The following AP2B1 variants were observed in gnomAD, a reference collection of about 807,000 sequenced individuals.
The protein encoded by AP2B1 is AP-2 complex subunit beta.
In AP2B1, 23 loss-of-function variants were observed where a neutral mutation model predicts 102.0. The observed-to-expected ratio is 0.23, with a 90% confidence interval of 0.16 to 0.32. The LOEUF is 0.32. Among genes scored for constraint, AP2B1 ranks in the 10% least tolerant of loss-of-function variants. The pLI is 1.00. For synonymous variants in AP2B1, 381 were observed against 421.2 expected, an observed-to-expected ratio of 0.90 and a Z score of 1.17; for missense variants, 541 against 1,157.4, an observed-to-expected ratio of 0.47 and a Z score of 7.73.
intron 1 of AP2B1, chr17:35,587,817 G>A (rs1237820872): frequency 6.6e-6 from 1 of 152,190 alleles, no homozygotes; most frequent in Admixed American, 6.5e-5. Context: ...GACGTGTCCA[G>A]CAAGCCAAAG....
At chr17:35,591,480 A>G (rs80275528) in intron 1 of AP2B1, among the ~76,000 whole-genome samples, 1 of 152,188 alleles carries the variant, frequency 6.6e-6, no homozygotes, top group Non-Finnish European at 1.5e-5. Flanking sequence ...GCCAAAAAAA[A>G]TTTAATATGT....
At chr17:35,713,749 A>G (rs1555588643) in intron 20 of AP2B1, 1 of 152,264 alleles carries the variant, frequency 6.6e-6, no homozygotes. Flanking sequence ...ATAAAGAAAG[A>G]GACCCTCTTC....
chr17:35,683,429 A>G (rs1361360259), intron 18 of AP2B1, among the ~76,000 whole-genome samples: 3 of 152,214 alleles, frequency 2.0e-5, no homozygotes, highest in Non-Finnish European at 4.4e-5. Context: ...CATTAATATA[A>G]GAAGAGATTT....
At chr17:35,716,850 C>G (rs1238802498) in intron 20 of AP2B1, among the ~76,000 whole-genome samples, 1 of 152,220 alleles carries the variant, frequency 6.6e-6, no homozygotes, top group Non-Finnish European at 1.5e-5. Flanking sequence ...ACACTTATTT[C>G]TGTCTTTGTC....
chr17:35,663,990 C>T (rs1473401206), intron 14 of AP2B1, among the ~76,000 whole-genome samples: 1 of 152,178 alleles, frequency 6.6e-6, no homozygotes, highest in Non-Finnish European at 1.5e-5. Context: ...AGCTCCTGGG[C>T]TCAAGTAGTC....
intron 1 of AP2B1, 60 bp from the exon 2 acceptor site, chr17:35,593,948 A>G: frequency 1.2e-6 from 1 of 858,124 alleles, no homozygotes; most frequent in South Asian, 2.2e-5. Flanking sequence ...CTTAAAATTA[A>G]TTGGATGCCT....
intron 21 of AP2B1, among the ~76,000 whole-genome samples, chr17:35,722,037 T>A (rs2085409039): frequency 6.6e-6 from 1 of 151,976 alleles, no homozygotes; most frequent in Non-Finnish European, 1.5e-5. Context: ...GGTCAAGAGT[T>A]CGAGACCAGC....
At chr17:35,625,030 T>C (rs560493968) in intron 6 of AP2B1, among the ~76,000 whole-genome samples, 4 of 152,300 alleles carry the variant, frequency 2.6e-5, no homozygotes, top group Middle Eastern at 3.4e-3. Context: ...CCAGTAGATA[T>C]GGAAACCATG....
At chr17:35,624,795 A>G (rs568576436) in intron 6 of AP2B1, among the ~76,000 whole-genome samples, 7 of 152,294 alleles carry the variant, frequency 4.6e-5, no homozygotes, top group Admixed American at 3.9e-4. Context: ...TATGTTTTTC[A>G]TACAGTTACT....
chr17:35,654,466 A>G (rs1037903044), intron 13 of AP2B1, among the ~76,000 whole-genome samples: 2 of 152,218 alleles, frequency 1.3e-5, no homozygotes, highest in Non-Finnish European at 2.9e-5. Flanking sequence ...TTTAGCAGTT[A>G]TCAGTATCTT....
intron 9 of AP2B1, among the ~76,000 whole-genome samples, chr17:35,635,014 T>A (rs984351023): frequency 5.3e-5 from 8 of 152,006 alleles, no homozygotes; most frequent in African/African-American, 1.7e-4. Context: ...AGTGATTGGA[T>A]GTCACTCTAC....
chr17:35,620,820 T>TA (rs1447201742), intron 5 of AP2B1, among the ~76,000 whole-genome samples: 1 of 152,094 alleles, frequency 6.6e-6, no homozygotes, highest in Non-Finnish European at 1.5e-5. Context: ...CCTGCCTCTT[T>TA]AAAAAAATAC....
At chr17:35,645,510 C>T (rs1007783925) in intron 12 of AP2B1, among the ~76,000 whole-genome samples, 1 of 152,142 alleles carries the variant, frequency 6.6e-6, no homozygotes, top group Admixed American at 6.6e-5. Context: ...TTTCTCTTAC[C>T]TGTTACACAG....
chr17:35,704,735 G>C (rs1428887807), intron 18 of AP2B1, among the ~76,000 whole-genome samples: 1 of 152,142 alleles, frequency 6.6e-6, no homozygotes, highest in Non-Finnish European at 1.5e-5. Flanking sequence ...ATATTAAGCA[G>C]AAAGAACAAC....
intron 18 of AP2B1, among the ~76,000 whole-genome samples, chr17:35,692,134 A>G (rs1410557134): frequency 2.0e-5 from 3 of 152,234 alleles, no homozygotes; most frequent in Non-Finnish European, 4.4e-5. Context: ...CAAGAGTTCC[A>G]TATTCTGATA....
At chr17:35,650,936 T>C in intron 13 of AP2B1, 147 bp downstream of exon 13, 2 of 870,738 alleles carry the variant, frequency 2.3e-6, no homozygotes, top group Non-Finnish European at 3.5e-6. Context: ...CTGCTGTACA[T>C]TTTTGGACAC....
chr17:35,714,291 T>G (rs1379657442), intron 20 of AP2B1, among the ~76,000 whole-genome samples: 1 of 152,204 alleles, frequency 6.6e-6, no homozygotes, highest in Non-Finnish European at 1.5e-5. Flanking sequence ...TTTGGTTGCT[T>G]AAATGGTAAA....
chr17:35,611,724 A>G (rs544431629), intron 5 of AP2B1, among the ~76,000 whole-genome samples: 31 of 152,228 alleles, frequency 2.0e-4, no homozygotes, highest in South Asian at 6.2e-4. Flanking sequence ...GGACAAATAA[A>G]TGAATACAAT....
At chr17:35,653,165 T>A (rs1423140505) in intron 13 of AP2B1, among the ~76,000 whole-genome samples, 1 of 152,242 alleles carries the variant, frequency 6.6e-6, no homozygotes, top group African/African-American at 2.4e-5. Flanking sequence ...CACTGACCAC[T>A]AATATATTAC....
Sources: gnomAD v4.1 joint callset for allele counts (sites outside exome capture counted in the v4.1 genomes callset) on GRCh38, gnomAD v4.1.1 for gene constraint, MANE v1.5 for transcripts, NCBI Gene and HGNC (gene_info 2026-07-23, HGNC 2026-07-21) for gene names.